GCSAML: variants seen among roughly 807,000 people sequenced by gnomAD.
GCSAML encodes germinal center-associated signaling and motility-like protein.
GCSAML carries 9 observed loss-of-function variants against 13.0 expected under a neutral mutation model. The observed-to-expected ratio is 0.69, with a 90% CI of 0.42 to 1.21. The LOEUF (loss-of-function observed/expected upper bound fraction) is 1.21. GCSAML is among the 50% of genes most tolerant of loss of function. The pLI is 0.00. For missense variants in GCSAML, 143 were observed against 153.4 expected, an observed-to-expected ratio of 0.93 and a Z score of 0.36; for synonymous variants, 37 against 52.9, an observed-to-expected ratio of 0.70 and a Z score of 1.31.
intron 1 of GCSAML, among the ~76,000 whole-genome samples, chr1:247,509,152 T>C (rs1665926105): frequency 6.6e-6 from 1 of 152,220 alleles, no homozygotes; most frequent in Non-Finnish European, 1.5e-5. Context: ...GGGATGTTTC[T>C]CCATTTGTTT....
chr1:247,531,641 A>G, intron 2 of GCSAML: 1 of 1,614,160 alleles, frequency 6.2e-7, no homozygotes. Flanking sequence ...CTCAGGGTGT[A>G]AATAAGTGGG....
intron 3 of GCSAML, among the ~76,000 whole-genome samples, chr1:247,563,849 A>G (rs1481517891): frequency 6.6e-6 from 1 of 152,208 alleles, no homozygotes; most frequent in Admixed American, 6.5e-5. Flanking sequence ...ACTTCTGTGG[A>G]AAGAAGTTAA....
At chr1:247,549,086 T>C, upstream of GCSAML, 1 of 1,610,808 alleles carries the variant, frequency 6.2e-7, no homozygotes, top group Non-Finnish European at 8.5e-7. Context: ...GAACCCGTGG[T>C]CAGATGCAAC....
At chr1:247,522,277 G>A (rs539565741) in intron 1 of GCSAML, among the ~76,000 whole-genome samples, 2 of 100,058 alleles carry the variant, frequency 2.0e-5, no homozygotes, top group South Asian at 2.8e-4. Context: ...CCGGCTAGCC[G>A]CCCTGTCCGG....
chr1:247,521,977 C>T (rs878944979), intron 1 of GCSAML, among the ~76,000 whole-genome samples: 4 of 151,462 alleles, frequency 2.6e-5, no homozygotes, highest in South Asian at 2.1e-4. Context: ...ATGTGGGGAG[C>T]GCCTCTGCCC....
At chr1:247,559,441 CT>C (rs59754365) in intron 2 of GCSAML, among the ~76,000 whole-genome samples, 34,224 of 151,250 alleles carry the variant, frequency 0.23, 7,456 homozygotes, top group African/African-American at 0.57. Flanking sequence ...TTCTGTCCAG[CT>C]TTTTTTTTCT....
At chr1:247,546,849 G>A (rs911686797), upstream of GCSAML, among the ~76,000 whole-genome samples, 1 of 151,660 alleles carries the variant, frequency 6.6e-6, no homozygotes, top group Middle Eastern at 3.2e-3. Flanking sequence ...CAGCACTTTG[G>A]GAGGCCAAGG....
chr1:247,556,640 A>C (rs1667962383), intron 2 of GCSAML, among the ~76,000 whole-genome samples, 174 bp downstream of exon 2: 1 of 152,208 alleles, frequency 6.6e-6, no homozygotes, highest in Admixed American at 6.5e-5. Flanking sequence ...ACTCTGTCTA[A>C]ATAAGAAAGA....
intron 2 of GCSAML, among the ~76,000 whole-genome samples, chr1:247,557,989 A>C (rs912917986): frequency 6.6e-6 from 1 of 152,208 alleles, no homozygotes; most frequent in African/African-American, 2.4e-5. Flanking sequence ...TCATTCTCTA[A>C]TATTTTTCTG....
upstream of GCSAML, among the ~76,000 whole-genome samples, chr1:247,548,745 T>A (rs1156355650): frequency 2.0e-5 from 3 of 152,228 alleles, no homozygotes; most frequent in Non-Finnish European, 2.9e-5. This position sits in a 1 kb window ranked among gnomAD's most constrained non-coding sequence, Gnocchi z 5.3. Context: ...GATTAATCAC[T>A]TTTATTCCAG....
Position 247,521,453 on chromosome 1 carries a change from G to A in GCSAML, c.-262-5487G>A, listed in dbSNP as rs535068519. ...CGAGCGGAAGCTGGACTGTACTGCC[G>A]CCATCTTGGCTCACTGCAACCTCCC... On this transcript the variant is annotated intron_variant, in intron 1 of 5. Transcript: ENST00000366489. 2.4e-3 allele frequency among the ~76,000 whole-genome samples: 369 copies of A among 152,058 alleles called. 3 individuals carry two copies. Among genetic ancestry groups the A allele is most frequent in the African/African-American group, 8.4e-3 (350 of 41,476 alleles).
rs780607186 is a variant in GCSAML, at chr1:247,525,242, C to G, written c.-262-1698C>G. On this transcript the variant is annotated intron_variant, in intron 1 of 5. Transcript: ENST00000366489. ...GGGTTAAGCCCATACACCAAGCAAACAATCAATCCTATGGCAGACACCAGC... is the reference window on the plus strand; with the variant it reads ...GGGTTAAGCCCATACACCAAGCAAAGAATCAATCCTATGGCAGACACCAGC... 1.8e-3 allele frequency: 267 copies of G among 152,206 alleles called. 4 individuals carry two copies. The highest frequency in any genetic ancestry group is 0.017 in the Admixed American group (265 of 15,276). 9.4% of individuals were successfully genotyped at this position (152,206 alleles called of 1,614,324 possible). A position where few individuals can be genotyped will look rare whatever the true frequency, so the allele number is the denominator to read the frequency against.
rs149359893 is a variant in GCSAML, at chr1:247,526,756, G to A, written c.-262-184G>A. 2,074 of 360,276 alleles carry A rather than the reference G, an allele frequency of 5.8e-3. 10 individuals carry two copies. Among genetic ancestry groups the A allele is most frequent in the Non-Finnish European group, 9.0e-3 (1,660 of 185,208 alleles). The allele number at this position is 360,276 out of a possible 1,614,324, so 22.3% of individuals were successfully genotyped here. Reference sequence around the variant, plus strand: ...TCAAAGCCTATGGTTGCTGCAAGAGGAATAAAAGAAAAGATGGAGCCTAGA... The same window carrying A: ...TCAAAGCCTATGGTTGCTGCAAGAGAAATAAAAGAAAAGATGGAGCCTAGA... On this transcript the variant is annotated intron_variant, in intron 1 of 5. Transcript: ENST00000366489. This position sits in a 1 kb window ranked among gnomAD's most constrained non-coding sequence, Gnocchi z 4.8.
rs893165320 is a variant in GCSAML, at chr1:247,575,345, C to T, written c.*963C>T. The T allele has an allele frequency of 1.3e-5, 2 of 152,110 alleles. No individual in the cohort carries two copies. Among genetic ancestry groups the T allele is most frequent in the African/African-American group, 4.8e-5 (2 of 41,424 alleles). The allele number at this position is 152,110 out of a possible 1,614,324, so 9.4% of individuals were successfully genotyped here. ...TTGGGTTTTGGTTACCAATAAGTCT[C>T]CACAAATATATGTCCAAGAATCTTC... On this transcript the variant is annotated 3_prime_UTR_variant, in exon 5 of 5. Coordinates refer to ENST00000366488, the MANE Select transcript of GCSAML (RefSeq NM_145278.5).
At chr1:247,567,506 CTT>C (rs1361655213) in intron 4 of GCSAML, among the ~76,000 whole-genome samples, 1 of 152,166 alleles carries the variant, frequency 6.6e-6, no homozygotes, top group African/African-American at 2.4e-5. Context: ...AGACCATAAA[CTT>C]ATTCTTTTTT....
At chr1:247,556,503 T>TTTGTC in intron 2 of GCSAML, 37 bp downstream of exon 2, 1 of 1,479,332 alleles carries the variant, frequency 6.8e-7, no homozygotes, top group African/African-American at 1.4e-5. Flanking sequence ...TTTGTTTTGT[T>TTTGTC]TTGTTTTGTT....
intron 1 of GCSAML, among the ~76,000 whole-genome samples, chr1:247,521,908 T>C (rs1373015262): frequency 1.3e-5 from 2 of 149,976 alleles, no homozygotes; most frequent in Non-Finnish European, 3.0e-5. Context: ...CGCCTCTTCC[T>C]GGCCGCCATC....
chr1:247,518,463 A>C (rs1453071582), intron 1 of GCSAML: 1 of 152,282 alleles, frequency 6.6e-6, no homozygotes, highest in African/African-American at 2.4e-5. Flanking sequence ...TTCCACGGTG[A>C]CGCCGTCTGC....
intron 1 of GCSAML, chr1:247,519,086 A>G (rs1422315059): frequency 6.6e-6 from 1 of 152,342 alleles, no homozygotes; most frequent in Admixed American, 6.5e-5. Flanking sequence ...CAAACAAACA[A>G]ACAAACAAAA....
Sources: allele counts gnomAD v4.1 joint callset (sites outside exome capture counted in the v4.1 genomes callset), GRCh38; gene constraint gnomAD v4.1.1; non-coding constraint Gnocchi (gnomAD v3.1); transcripts MANE v1.5; gene names NCBI Gene and HGNC (gene_info 2026-07-23, HGNC 2026-07-21).